Variants in CMTM8 observed in about 807,000 individuals in gnomAD.
CMTM8 encodes the protein CKLF-like MARVEL transmembrane domain-containing protein 8.
In CMTM8, 12 loss-of-function variants were observed where a neutral mutation model predicts 18.6. That is an observed-to-expected ratio of 0.65 (90% CI 0.41 to 1.05). The LOEUF is 1.05. Ranked by LOEUF, CMTM8 falls within the 50% of genes least tolerant of loss-of-function variation. CMTM8 has a pLI of 0.00. For synonymous variants in CMTM8, 87 were observed against 90.6 expected, an observed-to-expected ratio of 0.96 and a Z score of 0.23; for missense variants, 217 against 227.2, an observed-to-expected ratio of 0.95 and a Z score of 0.29.
chr3:32,365,235 A>T (rs1452965854), intron 2 of CMTM8, among the ~76,000 whole-genome samples: 1 of 151,772 alleles, frequency 6.6e-6, no homozygotes, highest in Non-Finnish European at 1.5e-5. Context: ...TTATCTTGAG[A>T]TCTGAGATTT....
At chr3:32,255,653 A>G (rs572470244) in intron 1 of CMTM8, among the ~76,000 whole-genome samples, 14 of 152,286 alleles carry the variant, frequency 9.2e-5, no homozygotes, top group African/African-American at 3.4e-4. Context: ...TTTTACCTTC[A>G]TACTTGAATA....
intron 1 of CMTM8, among the ~76,000 whole-genome samples, chr3:32,286,968 C>G (rs1284055868): frequency 1.3e-5 from 2 of 152,228 alleles, no homozygotes; most frequent in Non-Finnish European, 2.9e-5. Context: ...CCTCTCGGCT[C>G]TGAGCGTGGG....
chr3:32,248,949 T>C (rs1446031530), intron 1 of CMTM8, among the ~76,000 whole-genome samples: 1 of 151,620 alleles, frequency 6.6e-6, no homozygotes, highest in African/African-American at 2.4e-5. Context: ...GCCCAGCCCA[T>C]GTATGAGCTT....
chr3:32,239,048 A>G lies in CMTM8; in HGVS notation c.76A>G (p.Ser26Gly). 1 of 1,590,566 alleles carries G rather than the reference A, an allele frequency of 6.3e-7. No individual in the cohort carries two copies. Among genetic ancestry groups the G allele is most frequent in the East Asian group, 2.3e-5 (1 of 43,234 alleles). ...CTCCTTCGCAGAGAACTTCTCCACC[A>G]GCAGCAGCAGCTTCGCCTACGACCG... ...ASSFAENFST[S>G]SSSFAYDREF... The change falls in exon 1 of 4, where the codon AGC (serine) becomes GGC (glycine). Residue 26 changes from serine to glycine, a missense_variant. Physicochemically the swap from Ser to Gly is moderately conservative, Grantham distance 56. Transcript: ENST00000307526.
intron 1 of CMTM8, among the ~76,000 whole-genome samples, chr3:32,331,695 T>G (rs1208095819): frequency 6.6e-6 from 1 of 152,188 alleles, no homozygotes; most frequent in Admixed American, 6.5e-5. Context: ...CAATGGAGAA[T>G]TATTCAGCCT....
At chr3:32,294,312 T>C (rs1489497312) in intron 1 of CMTM8, among the ~76,000 whole-genome samples, 2 of 151,806 alleles carry the variant, frequency 1.3e-5, no homozygotes, top group East Asian at 3.8e-4. Context: ...GGAATGCTCT[T>C]CCATTTCACT....
At chr3:32,314,864 G>A (rs1049662489) in intron 1 of CMTM8, among the ~76,000 whole-genome samples, 33 of 152,214 alleles carry the variant, frequency 2.2e-4, no homozygotes, top group African/African-American at 7.5e-4. Flanking sequence ...GTGGCGGGGG[G>A]GGTCCAACTG....
At chr3:32,363,110 A>G (rs969719303) in intron 2 of CMTM8, among the ~76,000 whole-genome samples, 4 of 152,254 alleles carry the variant, frequency 2.6e-5, no homozygotes, top group Non-Finnish European at 5.9e-5. Flanking sequence ...AGTTTTTCCC[A>G]TTTTGTAAAT....
At chr3:32,255,892 A>AT (rs1490012970) in intron 1 of CMTM8, among the ~76,000 whole-genome samples, 1 of 151,674 alleles carries the variant, frequency 6.6e-6, no homozygotes, top group Non-Finnish European at 1.5e-5. Context: ...TGCCCAGCTA[A>AT]TTTTTTTGTA....
intron 1 of CMTM8, among the ~76,000 whole-genome samples, chr3:32,241,243 T>G (rs1160877558): frequency 1.3e-5 from 2 of 152,194 alleles, no homozygotes; most frequent in Admixed American, 1.3e-4. Flanking sequence ...GCCTTTCTAC[T>G]CTGAAAGATG....
chr3:32,367,818 G>A, intron 2 of CMTM8, 54 bp from the exon 3 acceptor site: 1 of 1,224,422 alleles, frequency 8.2e-7, no homozygotes, highest in Non-Finnish European at 1.2e-6. Context: ...CTGAAGTCCA[G>A]AGGTATGCAG....
chr3:32,260,041 C>A, intron 1 of CMTM8: 1 of 1,144,576 alleles, frequency 8.7e-7, no homozygotes, highest in Non-Finnish European at 1.3e-6. Context: ...CCCTGCTGAA[C>A]ATCAAGGTCA....
chr3:32,308,302 A>C (rs9810148), intron 1 of CMTM8, among the ~76,000 whole-genome samples: 2,673 of 152,368 alleles, frequency 0.018, 85 homozygotes, highest in African/African-American at 0.061. Flanking sequence ...ATTGTGAAGA[A>C]ATAAAAAATC....
chr3:32,274,577 T>C (rs2125545683), intron 1 of CMTM8, among the ~76,000 whole-genome samples: 1 of 152,296 alleles, frequency 6.6e-6, no homozygotes, highest in Admixed American at 6.5e-5. Context: ...GACATCACAC[T>C]CCTAAATACC....
At chr3:32,248,229 T>C (rs1702066814) in intron 1 of CMTM8, among the ~76,000 whole-genome samples, 1 of 152,208 alleles carries the variant, frequency 6.6e-6, no homozygotes, top group African/African-American at 2.4e-5. Flanking sequence ...CAGCTGGGAT[T>C]TCAATCTGGA....
chr3:32,343,569 C>T (rs1312885925), intron 1 of CMTM8, among the ~76,000 whole-genome samples: 1 of 152,228 alleles, frequency 6.6e-6, no homozygotes, highest in East Asian at 1.9e-4. Flanking sequence ...TTGTGCTTTG[C>T]ATTCTTGTAT....
At chr3:32,251,510 T>C (rs111869546) in intron 1 of CMTM8, among the ~76,000 whole-genome samples, 83,942 of 151,594 alleles carry the variant, frequency 0.55, 23,277 homozygotes, top group Middle Eastern at 0.67. Flanking sequence ...AGACAGGTTT[T>C]GCCATGTTGC....
At chr3:32,366,545 A>C (rs1575098443) in intron 2 of CMTM8, among the ~76,000 whole-genome samples, 1 of 152,230 alleles carries the variant, frequency 6.6e-6, no homozygotes, top group African/African-American at 2.4e-5. Context: ...CCCATCCTCA[A>C]AGATGTTCGT....
intron 1 of CMTM8, among the ~76,000 whole-genome samples, chr3:32,264,286 G>T (rs538811794): frequency 2.6e-5 from 4 of 152,252 alleles, no homozygotes; most frequent in Admixed American, 2.0e-4. Context: ...AGAGAGTGGG[G>T]GTCAATATTC....
Sources: gnomAD v4.1 joint callset for allele counts (sites outside exome capture counted in the v4.1 genomes callset) on GRCh38, gnomAD v4.1.1 for gene constraint, MANE v1.5 for transcripts, NCBI Gene and HGNC (gene_info 2026-07-23, HGNC 2026-07-21) for gene names.